GBF1: variants seen among roughly 807,000 people sequenced by gnomAD.
GBF1 encodes the protein golgi brefeldin A resistant guanine nucleotide exchange factor 1.
Under a neutral mutation model 210.5 loss-of-function variants are expected in GBF1, and 114 were observed. The ratio of observed to expected loss-of-function variants is 0.54; its 90% CI spans 0.47 to 0.63. GBF1 has a LOEUF of 0.63. GBF1 is among the 30% of genes least tolerant of loss of function. The pLI, the probability that GBF1 is intolerant of heterozygous loss-of-function variation, is 0.00. For missense variants in GBF1, 1,851 were observed against 2,357.7 expected (o/e 0.79, Z 4.45); for synonymous variants, 850 against 889.2 (o/e 0.96, Z 0.78).
chr10:102,367,971 C>T (rs2060000151), intron 21 of GBF1, among the ~76,000 whole-genome samples: 1 of 152,210 alleles, frequency 6.6e-6, no homozygotes, highest in Admixed American at 6.5e-5. Flanking sequence ...CATTTTATCA[C>T]ACCTAGTAAG....
intron 38 of GBF1, 99 bp from the exon 39 acceptor site, chr10:102,381,028 T>A: frequency 8.6e-7 from 1 of 1,164,490 alleles, no homozygotes; most frequent in Non-Finnish European, 1.2e-6. Flanking sequence ...GAATTTATTG[T>A]CTGTGCCCTG....
At chr10:102,376,053 G>A (rs1315015120) in intron 30 of GBF1, among the ~76,000 whole-genome samples, 1 of 151,924 alleles carries the variant, frequency 6.6e-6, no homozygotes, top group Non-Finnish European at 1.5e-5. Flanking sequence ...TGCTACAGCT[G>A]CCACTAGATG....
intron 3 of GBF1, among the ~76,000 whole-genome samples, chr10:102,307,788 C>T (rs529718431): frequency 7.3e-5 from 11 of 151,184 alleles, no homozygotes; most frequent in East Asian, 1.9e-4. Context: ...AGCAAGACGC[C>T]GTCTCAAAAA....
intron 3 of GBF1, among the ~76,000 whole-genome samples, chr10:102,323,009 C>T (rs781214377): frequency 1.4e-4 from 22 of 151,838 alleles, no homozygotes; most frequent in East Asian, 3.9e-4. Flanking sequence ...TGGCTTAAAC[C>T]GACAACCATT....
chr10:102,371,714 A>AG (rs956891754), intron 29 of GBF1, among the ~76,000 whole-genome samples: 1 of 152,172 alleles, frequency 6.6e-6, no homozygotes, highest in African/African-American at 2.4e-5. Flanking sequence ...AGATCACTTG[A>AG]GGTCAGGAGT....
intron 3 of GBF1, among the ~76,000 whole-genome samples, chr10:102,320,373 T>A (rs1235305914): frequency 1.3e-5 from 2 of 152,192 alleles, no homozygotes; most frequent in African/African-American, 4.8e-5. Flanking sequence ...TTGGTGTGGG[T>A]CTCTTTTAGT....
Position 102,361,232 on chromosome 10 carries a change from T to C in GBF1, c.1491+112T>C. The C allele has an allele frequency of 8.4e-6, 6 of 713,380 alleles. 1 individual carries two copies. The highest frequency in any genetic ancestry group is 4.0e-5 in the Admixed American group (2 of 50,294). The allele number at this position is 713,380 out of a possible 1,614,324, so 44.2% of individuals were successfully genotyped here. On this transcript the variant is annotated intron_variant, in intron 13 of 39. Coordinates refer to ENST00000369983, the MANE Select transcript of GBF1 (RefSeq NM_001377137.1). ...AGGGGTAGGATTTAGGGACTTCCTA[T>C]AGGAGAGTCCTTTTAGCCTCCAGAG...
At position 102,324,136 on chromosome 10, in the gene GBF1, G is replaced by A. The variant is rs2134213345; in HGVS notation, c.164-19915G>A. Among the ~76,000 whole-genome samples the A allele has an allele frequency of 2.0e-5, 3 of 152,252 alleles. 1 individual carries two copies. The South Asian group carries it at 6.2e-4, about 32-fold the overall frequency. On this transcript the variant is annotated intron_variant, in intron 3 of 39. Transcript: ENST00000369983. ...AACCTCTGGCTTAAATACGCACCAA[G>A]CAAAGATGTATATATAGTCTTCCTC... is the stretch of plus-strand genomic sequence containing the variant.
intron 4 of GBF1, among the ~76,000 whole-genome samples, chr10:102,347,932 A>G (rs962015603): frequency 1.3e-5 from 2 of 151,600 alleles, no homozygotes; most frequent in Non-Finnish European, 2.9e-5. Context: ...CTGCCTTTTT[A>G]TTTTTATTTT....
Position 102,358,060 on chromosome 10 carries a change from A to C in GBF1, c.661A>C (p.Met221Leu), listed in dbSNP as rs749424835. ...MKKLKMRAGG[M>L]SDSSKWKKQK... is the part of the protein sequence containing the mutation. ...CCAGCTGAAAATGAGAGCCGGAGGC[A>C]TGAGTGATTCATCCAAATGGAAGAA... The change falls in exon 9 of 40, where the codon ATG (methionine) becomes CTG (leucine). Residue 221 changes from methionine (M) to leucine (L), a missense_variant. Transcript: ENST00000369983. 6 of 1,608,584 alleles carry C rather than the reference A, an allele frequency of 3.7e-6. No individual in the cohort carries two copies. The East Asian group carries it at 1.3e-4, about 36-fold the overall frequency.
chr10:102,351,319 G>A lies in GBF1; in HGVS notation c.359G>A (p.Arg120His), dbSNP rs750672828. The A allele has an allele frequency of 9.3e-6, 15 of 1,612,222 alleles. No homozygotes were observed. Among genetic ancestry groups the A allele is most frequent in the East Asian group, 4.5e-5 (2 of 44,898 alleles). Residue 120 changes from arginine to histidine, a missense_variant, in exon 5 of 40, where the codon CGT becomes CAT. This residue lies in a region of GBF1 where 804 missense variants were observed against 958.6 expected (regional missense o/e 0.84). Transcript: ENST00000369983. ...ENMADAVTHA[R>H]FVGTDPASDE... The stretch of plus-strand genomic sequence containing the variant: ...ATGGCAGATGCTGTCACCCATGCTC[G>A]TTTTGTGGGCACGGATCCTGCCAGT...
At chr10:102,333,201 T>C (rs1337699051) in intron 3 of GBF1, among the ~76,000 whole-genome samples, 1 of 152,224 alleles carries the variant, frequency 6.6e-6, no homozygotes, top group Non-Finnish European at 1.5e-5. Context: ...AGTGCATTTC[T>C]TTATTTCATA....
At chr10:102,235,156 T>C in the GBF1 span, among the ~76,000 whole-genome samples, 1 of 143,132 alleles carries the variant, frequency 7.0e-6, no homozygotes, top group Admixed American at 7.0e-5. Context: ...GAGCTAGCCA[T>C]TATTACCCTT....
intron 3 of GBF1, among the ~76,000 whole-genome samples, chr10:102,300,673 G>C (rs1015007086): frequency 6.6e-6 from 1 of 152,156 alleles, no homozygotes; most frequent in African/African-American, 2.4e-5. Flanking sequence ...GTGGTTCCTG[G>C]TACAGGGCAT....
chr10:102,231,535 G>A, the GBF1 span: 5 of 1,258,448 alleles, frequency 4.0e-6, no homozygotes, highest in South Asian at 6.4e-5. Context: ...CCGGGTCGCA[G>A]GCTGAGCGCG....
At chr10:102,320,017 A>C (rs2056249785) in intron 3 of GBF1, among the ~76,000 whole-genome samples, 1 of 151,238 alleles carries the variant, frequency 6.6e-6, no homozygotes, top group Admixed American at 6.6e-5. Context: ...GAACCACTGC[A>C]CCTGGCCCAT....
intron 3 of GBF1, among the ~76,000 whole-genome samples, chr10:102,336,033 G>T (rs980350251): frequency 6.6e-6 from 1 of 151,998 alleles, no homozygotes; most frequent in African/African-American, 2.4e-5. Context: ...CAGGTGCAGT[G>T]GCTCATGCCT....
At chr10:102,379,191 T>G in intron 33 of GBF1, 93 bp from the exon 34 acceptor site, 3 of 1,229,060 alleles carry the variant, frequency 2.4e-6, no homozygotes, top group Non-Finnish European at 3.5e-6. Flanking sequence ...TAGGGACACC[T>G]TGAGGACTTA....
At position 102,358,511 on chromosome 10, in the gene GBF1, A is replaced by G. The variant is rs1490746556; in HGVS notation, c.793A>G (p.Met265Val). The G allele has an allele frequency of 2.5e-6, 4 of 1,611,350 alleles. No homozygotes were observed. Among genetic ancestry groups the G allele is most frequent in the Non-Finnish European group, 3.4e-6 (4 of 1,177,624 alleles). ...TCACATACTTTTCTTGGCAGGTGGC[A>G]TGCCCTTCATTGATGTGCCCACTCC... ...TTLSSNLTGG[M>V]PFIDVPTPIS... is the part of the protein sequence containing the mutation. The change falls in exon 10 of 40, where the codon ATG becomes GTG. Residue 265 changes from methionine to valine, a missense_variant. Transcript: ENST00000369983.
Sources: gnomAD v4.1 joint callset for allele counts (sites outside exome capture counted in the v4.1 genomes callset) on GRCh38, gnomAD v4.1.1 for gene constraint, gnomAD v4.1.1 regional missense constraint, MANE v1.5 for transcripts, NCBI Gene and HGNC (gene_info 2026-07-23, HGNC 2026-07-21) for gene names.